PRKG1: variants seen among roughly 807,000 people sequenced by gnomAD.
PRKG1 encodes cGMP-dependent protein kinase 1.
Under a neutral mutation model 88.1 loss-of-function variants are expected in PRKG1, and 35 were observed. The ratio of observed to expected loss-of-function variants is 0.40; its 90% CI spans 0.30 to 0.53. The LOEUF is 0.53. PRKG1 is among the 20% of genes least tolerant of loss of function. The pLI is 0.59. For missense variants in PRKG1, 540 were observed against 839.8 expected (o/e 0.64, Z 4.41); for synonymous variants, 303 against 292.5 (o/e 1.04, Z -0.37).
intron 3 of PRKG1, among the ~76,000 whole-genome samples, chr10:51,737,944 GT>G (rs1467662391): frequency 6.6e-6 from 1 of 150,968 alleles, no homozygotes; most frequent in Non-Finnish European, 1.5e-5. Context: ...TTTTTTGTTT[GT>G]TTGTTTTTTG....
intron 4 of PRKG1, among the ~76,000 whole-genome samples, chr10:51,887,533 A>G (rs1564693481): frequency 6.6e-6 from 1 of 152,156 alleles, no homozygotes; most frequent in Admixed American, 6.5e-5. Context: ...ATTCCCATCA[A>G]CAGTGTATAA....
At chr10:51,643,862 A>G (rs1366782528) in intron 3 of PRKG1, among the ~76,000 whole-genome samples, 2 of 152,204 alleles carry the variant, frequency 1.3e-5, no homozygotes, top group Admixed American at 6.5e-5. Context: ...CAAACAATCA[A>G]TGAAACTTCC....
chr10:51,587,841 AATG>A (rs1838211028), intron 3 of PRKG1, among the ~76,000 whole-genome samples: 1 of 152,208 alleles, frequency 6.6e-6, no homozygotes, highest in Admixed American at 6.5e-5. Context: ...TACTTCAGAG[AATG>A]ATGTTTTGGG....
chr10:52,264,059 G>T (rs1000674041), intron 10 of PRKG1, among the ~76,000 whole-genome samples: 1 of 152,004 alleles, frequency 6.6e-6, no homozygotes, highest in African/African-American at 2.4e-5. Flanking sequence ...GCAGTTTTAT[G>T]GCTTCTGTAT....
intron 1 of PRKG1, among the ~76,000 whole-genome samples, chr10:51,011,348 G>C (rs1842991846): frequency 6.6e-6 from 1 of 151,958 alleles, no homozygotes; most frequent in African/African-American, 2.4e-5. Flanking sequence ...CCACCAGTTA[G>C]GGCAACCAGA....
intron 7 of PRKG1, among the ~76,000 whole-genome samples, chr10:52,119,565 T>G (rs1432373084): frequency 6.6e-6 from 1 of 152,176 alleles, no homozygotes; most frequent in Non-Finnish European, 1.5e-5. Context: ...ATGCCTTCTC[T>G]TACTCTACTT....
chr10:51,518,059 C>T (rs562178621), intron 3 of PRKG1, among the ~76,000 whole-genome samples: 18 of 152,278 alleles, frequency 1.2e-4, no homozygotes, highest in East Asian at 5.8e-4. Flanking sequence ...AATGCAGTGG[C>T]GCCATCTTGG....
intron 3 of PRKG1, among the ~76,000 whole-genome samples, chr10:51,719,709 G>A (rs1433498782): frequency 6.6e-6 from 1 of 152,156 alleles, no homozygotes; most frequent in East Asian, 1.9e-4. Context: ...AACATACCTG[G>A]GTTGTGTATG....
chr10:51,829,714 A>G (rs1285491149), intron 4 of PRKG1, among the ~76,000 whole-genome samples: 2 of 152,224 alleles, frequency 1.3e-5, no homozygotes, highest in African/African-American at 4.8e-5. Context: ...ACATACATAG[A>G]TAAAGCAACA....
chr10:51,985,915 C>A (rs1262063154), intron 5 of PRKG1, among the ~76,000 whole-genome samples: 1 of 152,070 alleles, frequency 6.6e-6, no homozygotes, highest in Non-Finnish European at 1.5e-5. Flanking sequence ...TACACGTAGC[C>A]TACTAAACAT....
intron 7 of PRKG1, among the ~76,000 whole-genome samples, chr10:52,069,288 TG>T (rs1257106132): frequency 6.6e-6 from 1 of 152,202 alleles, no homozygotes; most frequent in Non-Finnish European, 1.5e-5. Context: ...CCCAGCACGT[TG>T]GTAGGCTGAG....
chr10:51,153,131 A>T, intron 1 of PRKG1, 33 bp from the exon 2 acceptor site: 1 of 1,600,232 alleles, frequency 6.2e-7, no homozygotes. Context: ...AGCTTGTCAG[A>T]TGTGCCAGTA....
At chr10:52,058,725 T>G (rs961497242) in intron 6 of PRKG1, among the ~76,000 whole-genome samples, 5 of 151,808 alleles carry the variant, frequency 3.3e-5, no homozygotes, top group Admixed American at 2.6e-4. Flanking sequence ...TCAAGAGAAA[T>G]GTATGACTTG....
At chr10:51,477,794 T>C (rs74132504) in intron 3 of PRKG1, among the ~76,000 whole-genome samples, 5,253 of 151,918 alleles carry the variant, frequency 0.035, 101 homozygotes, top group Admixed American at 0.059. Context: ...GATACAGAAG[T>C]ATAAGAAAAA....
chr10:51,594,026 C>T (rs1413081137), intron 3 of PRKG1, among the ~76,000 whole-genome samples: 1 of 151,636 alleles, frequency 6.6e-6, no homozygotes, highest in Non-Finnish European at 1.5e-5. Flanking sequence ...GTGCCTGTAC[C>T]CCCCATTTTT....
intron 4 of PRKG1, 31 bp downstream of exon 4, chr10:51,804,721 GT>G: frequency 6.9e-7 from 1 of 1,447,552 alleles, no homozygotes. Context: ...TTGTGAGAGT[GT>G]TTACTTTCCT....
intron 9 of PRKG1, among the ~76,000 whole-genome samples, chr10:52,206,793 G>T (rs1321950576): frequency 6.6e-6 from 1 of 152,204 alleles, no homozygotes; most frequent in Non-Finnish European, 1.5e-5. Flanking sequence ...CTGCACTGGA[G>T]AGGCTGAGGA....
At chr10:51,099,152 G>T (rs1455248977) in intron 1 of PRKG1, among the ~76,000 whole-genome samples, 1 of 152,036 alleles carries the variant, frequency 6.6e-6, no homozygotes, top group Non-Finnish European at 1.5e-5. Flanking sequence ...TGTTTCTGGG[G>T]ACTTTAATCT....
chr10:52,271,052 C>T (rs1278899649), intron 10 of PRKG1, among the ~76,000 whole-genome samples: 7 of 151,974 alleles, frequency 4.6e-5, no homozygotes, highest in Admixed American at 4.6e-4. Flanking sequence ...TTCAAACACA[C>T]TCTATGACAT....
Sources: allele counts gnomAD v4.1 joint callset (sites outside exome capture counted in the v4.1 genomes callset), GRCh38; gene constraint gnomAD v4.1.1; transcripts MANE v1.5; gene names NCBI Gene and HGNC (gene_info 2026-07-23, HGNC 2026-07-21).